CNTRL: variants seen among roughly 807,000 people sequenced by gnomAD.
CNTRL encodes the protein centriolin, also known as 110 kDa centrosomal protein.
Under a neutral mutation model 303.7 loss-of-function variants are expected in CNTRL, and 233 were observed. The ratio of observed to expected loss-of-function variants is 0.77; its 90% CI spans 0.69 to 0.86. The LOEUF is 0.86. Among genes scored for constraint, CNTRL ranks in the 40% least tolerant of loss-of-function variants. CNTRL has a pLI of 0.00. For missense variants in CNTRL, 2,524 were observed against 2,650.6 expected (o/e 0.95, Z 1.05); for synonymous variants, 900 against 922.2 (o/e 0.98, Z 0.44).
intron 7 of CNTRL, 131 bp from the exon 8 acceptor site, chr9:121,107,671 T>C: frequency 1.7e-6 from 1 of 601,444 alleles, no homozygotes; most frequent in South Asian, 3.0e-5. Context: ...AAAACCATGG[T>C]GGCTAATTTT....
At chr9:121,130,749 G>C (rs2050807805) in intron 14 of CNTRL, among the ~76,000 whole-genome samples, 1 of 152,142 alleles carries the variant, frequency 6.6e-6, no homozygotes, top group African/African-American at 2.4e-5. Context: ...GATCTTTCCT[G>C]CTTTCTCTTG....
rs371627955 is a variant in CNTRL at position 121,162,253 on chromosome 9, A to G, written c.5405A>G (p.Lys1802Arg). 5 of 1,613,944 alleles carry G rather than the reference A, an allele frequency of 3.1e-6. No homozygotes were observed. Among genetic ancestry groups the G allele is most frequent in the Non-Finnish European group, 4.2e-6 (5 of 1,179,992 alleles). Residue 1802 changes from lysine to arginine, a missense_variant, in exon 34 of 44, where the codon AAG becomes AGG. Coordinates refer to ENST00000373855, the MANE Select transcript of CNTRL (RefSeq NM_007018.6). ...GAGAAATGTGACATTTGGGAAAAAA[A>G]GTTGGCACAAACCAAAAGGTGAGAG... Reference protein sequence around the residue: ...LQEKCDIWEKKLAQTKRVLAA... With the variant: ...LQEKCDIWEKRLAQTKRVLAA...
chr9:121,150,993 C>G (rs928639876), intron 25 of CNTRL, among the ~76,000 whole-genome samples: 1 of 152,118 alleles, frequency 6.6e-6, no homozygotes, highest in Non-Finnish European at 1.5e-5. Context: ...CATGTATGTG[C>G]ACGTGTATGC....
intron 14 of CNTRL, among the ~76,000 whole-genome samples, chr9:121,131,380 A>G (rs1325234886): frequency 6.6e-6 from 1 of 152,216 alleles, no homozygotes. Context: ...CTTCACCATT[A>G]TGTAATACCC....
At chr9:121,167,306 C>CAAA (rs34581990) in intron 36 of CNTRL, among the ~76,000 whole-genome samples, 183 bp from the exon 37 acceptor site, 36 of 149,034 alleles carry the variant, frequency 2.4e-4, no homozygotes, top group African/African-American at 5.4e-4. Flanking sequence ...GCAAGACTGT[C>CAAA]AAAAAAAAAA....
At chr9:121,095,585 A>G (rs2048854627) in intron 5 of CNTRL, among the ~76,000 whole-genome samples, 1 of 152,226 alleles carries the variant, frequency 6.6e-6, no homozygotes, top group Admixed American at 6.5e-5. Flanking sequence ...TAATATCTGC[A>G]TGCTTTTCCC....
Position 121,150,178 on chromosome 9 carries a change from A to G in CNTRL, c.3658A>G (p.Ser1220Gly). Residue 1220 changes from serine to glycine, a missense_variant, in exon 25 of 44, where the codon AGT becomes GGT. Physicochemically the swap from Ser to Gly is moderately conservative, Grantham distance 56 (BLOSUM62 0). Transcript: ENST00000373855. Reference sequence around the variant, plus strand: ...TGTTTATTTCTTTGAAGATGCAGACAGTGGAGGAGATAGTCAGGAAGAGAG... The same window carrying G: ...TGTTTATTTCTTTGAAGATGCAGACGGTGGAGGAGATAGTCAGGAAGAGAG... Reference protein sequence around the residue: ...HKLFPSRDADSGGDSQEESEL... With the variant: ...HKLFPSRDADGGGDSQEESEL... 2 of 1,608,756 alleles carry G rather than the reference A, an allele frequency of 1.2e-6. No homozygotes were observed. Among genetic ancestry groups the G allele is most frequent in the Non-Finnish European group, 1.7e-6 (2 of 1,176,720 alleles).
At position 121,159,032 on chromosome 9, in the gene CNTRL, T is replaced by A; in HGVS notation, c.4929+13T>A. 1 of 1,612,386 alleles carries A rather than the reference T, an allele frequency of 6.2e-7. No individual in the cohort carries two copies. The highest frequency in any genetic ancestry group is 8.5e-7 in the Non-Finnish European group (1 of 1,179,096). ...CAATCACATTAGGGTGTGTTTTTTA[T>A]TAGGGTTTTCTGAAGAGTCGTAGGA... On this transcript the variant is annotated intron_variant, in intron 31 of 43. Coordinates refer to ENST00000373855, the MANE Select transcript of CNTRL (RefSeq NM_007018.6).
In CNTRL at chr9:121,113,506, C is replaced by T. The variant is rs2049842904; in HGVS notation, c.1127C>T (p.Ala376Val). The part of the protein sequence containing the change: ...EPLNYYPSEY[A>V]EIDKAPDESP... ...AATCTATTATTTTGCTTTTAGTATG[C>T]TGAAATTGATAAAGCCCCAGATGAA... Residue 376 changes from alanine (A) to valine (V), a missense_variant, in exon 10 of 44, where the codon GCT becomes GTT. Ala to Val is a moderately conservative substitution (Grantham distance 64). Transcript: ENST00000373855. 4 of 1,559,800 alleles carry T rather than the reference C, an allele frequency of 2.6e-6. No individual in the cohort carries two copies. The highest frequency in any genetic ancestry group is 3.5e-6 in the Non-Finnish European group (4 of 1,156,422).
At chr9:121,088,127 G>A (rs888516893) in intron 2 of CNTRL, among the ~76,000 whole-genome samples, 169 bp from the exon 3 acceptor site, 1 of 152,170 alleles carries the variant, frequency 6.6e-6, no homozygotes, top group Non-Finnish European at 1.5e-5. Context: ...CTCTGGCAAG[G>A]TCATCAGTGA....
At chr9:121,137,162 A>G (rs2051244157) in intron 15 of CNTRL, among the ~76,000 whole-genome samples, 1 of 152,224 alleles carries the variant, frequency 6.6e-6, no homozygotes, top group Non-Finnish European at 1.5e-5. Context: ...TATATTCTTT[A>G]TCAGATTAAA....
At chr9:121,131,970 C>G (rs1243078859) in intron 14 of CNTRL, among the ~76,000 whole-genome samples, 1 of 152,206 alleles carries the variant, frequency 6.6e-6, no homozygotes, top group Non-Finnish European at 1.5e-5. Context: ...CCTCTACTCT[C>G]TTCTGGCTTG....
At chr9:121,082,586 C>A (rs1396645406) in intron 2 of CNTRL, among the ~76,000 whole-genome samples, 1 of 152,190 alleles carries the variant, frequency 6.6e-6, no homozygotes, top group African/African-American at 2.4e-5. Flanking sequence ...ATAGGATAGC[C>A]TGTTGCTCCT....
chr9:121,103,187 G>C (rs1314827159), intron 7 of CNTRL, among the ~76,000 whole-genome samples: 1 of 152,126 alleles, frequency 6.6e-6, no homozygotes, highest in Non-Finnish European at 1.5e-5. Context: ...CATGGTACTG[G>C]TACCAAAACA....
rs371054388 is a variant in CNTRL at position 121,134,648 on chromosome 9, A to ATG, written c.2026-1145_2026-1144dup. ...TCAGATTTTCTTGATTGTCCCAAGA[A>ATG]TGTGTGTGTGTGTGCACATGCGTGT... On this transcript the variant is annotated intron_variant, in intron 14 of 43. Transcript: ENST00000373855. Among the ~76,000 whole-genome samples, 1,114 of 152,030 alleles carry ATG rather than the reference A, an allele frequency of 7.3e-3. 12 individuals carry two copies. Among genetic ancestry groups the ATG allele is most frequent in the African/African-American group, 0.025 (1,052 of 41,502 alleles).
intron 34 of CNTRL, 165 bp downstream of exon 34, chr9:121,162,436 C>A: frequency 1.9e-6 from 1 of 533,602 alleles, no homozygotes; most frequent in Non-Finnish European, 3.3e-6. Flanking sequence ...TTCCTTCTAG[C>A]TTTTTTTTTT....
intron 13 of CNTRL, 47 bp downstream of exon 13, chr9:121,124,131 A>G: frequency 6.8e-7 from 1 of 1,480,796 alleles, no homozygotes. Context: ...TATTGCTGGT[A>G]AAAGAAACAT....
At chr9:121,112,270 A>T (rs933977966) in intron 8 of CNTRL, among the ~76,000 whole-genome samples, 189 bp from the exon 9 acceptor site, 2 of 152,206 alleles carry the variant, frequency 1.3e-5, no homozygotes, top group Non-Finnish European at 2.9e-5. Flanking sequence ...ATCTCTGATG[A>T]AATAATAATT....
intron 19 of CNTRL, among the ~76,000 whole-genome samples, chr9:121,143,205 G>A (rs1178999339): frequency 1.3e-5 from 2 of 152,112 alleles, no homozygotes; most frequent in Non-Finnish European, 2.9e-5. Flanking sequence ...TGAATGCCTT[G>A]CTTCATCCTT....
Sources: gnomAD v4.1 joint callset for allele counts (sites outside exome capture counted in the v4.1 genomes callset) on GRCh38, gnomAD v4.1.1 for gene constraint, MANE v1.5 for transcripts, NCBI Gene and HGNC (gene_info 2026-07-23, HGNC 2026-07-21) for gene names.